Variants in FBLN1 observed in about 807,000 individuals in gnomAD.
FBLN1 encodes the protein fibulin 1.
In FBLN1, 34 loss-of-function variants were observed where a neutral mutation model predicts 89.7. The observed-to-expected ratio is 0.38, with a 90% CI of 0.29 to 0.50. The LOEUF (loss-of-function observed/expected upper bound fraction) is 0.50, where lower values mean the gene tolerates loss of function less well. Ranked by LOEUF, FBLN1 falls within the 20% of genes least tolerant of loss-of-function variation. The pLI is 0.92. For missense variants in FBLN1, 777 were observed against 988.1 expected, an observed-to-expected ratio of 0.79 and a Z score of 2.86; for synonymous variants, 393 against 391.3, an observed-to-expected ratio of 1.00 and a Z score of -0.05.
chr22:45,534,125 A>T (rs1447544602), intron 7 of FBLN1, among the ~76,000 whole-genome samples: 2 of 152,142 alleles, frequency 1.3e-5, no homozygotes, highest in Non-Finnish European at 2.9e-5. Flanking sequence ...ACATTGAAAA[A>T]GTTGACAGTA....
In FBLN1 at chr22:45,600,347, T is replaced by C. The variant is rs1383827421; in HGVS notation, c.2013T>C (p.His671=). Residue 671 remains histidine (H), a synonymous_variant, in exon 17 of 17, where the codon CAT becomes CAC. Transcript: ENST00000327858. ...TGCGGCCCATCGTGGGCCCATTTCA[T>C]GCCGTCCTGAAGCTGGAGATGAACT... ...RQVRPIVGPF[H]AVLKLEMNYV... 6.2e-7 allele frequency: 1 copy of C among 1,614,092 alleles called. No individual in the cohort carries two copies. The highest frequency in any genetic ancestry group is 8.5e-7 in the Non-Finnish European group (1 of 1,180,040).
At position 45,557,187 on chromosome 22, in the gene FBLN1, G is replaced by A. The variant is rs941069810; in HGVS notation, c.1697+6572G>A. ...CCACACCTCTTTAGCAGTAAAGTGA[G>A]TGCTTTGGTCAGAGGCAATGCTGTG... On this transcript the variant is annotated intron_variant, in intron 14 of 16. Transcript: ENST00000327858. The surrounding 1 kb of genome is among the most constrained non-coding windows in gnomAD (Gnocchi z 4.9). Among the ~76,000 whole-genome samples the A allele has an allele frequency of 2.6e-5, 4 of 152,222 alleles. No homozygotes were observed. Among genetic ancestry groups the A allele is most frequent in the Admixed American group, 1.3e-4 (2 of 15,280 alleles).
rs1028342523 is a variant in FBLN1, at chr22:45,583,842, C to A, written c.1972+6734C>A. Among the ~76,000 whole-genome samples the A allele has an allele frequency of 1.9e-4, 29 of 152,134 alleles. 1 individual carries two copies. The highest frequency in any genetic ancestry group is 3.3e-4 in the Admixed American group (5 of 15,280). On this transcript the variant is annotated intron_variant, in intron 16 of 16. Transcript: ENST00000327858. The surrounding 1 kb of genome is among the most constrained non-coding windows in gnomAD (Gnocchi z 4.5). ...AGAGAGAGACCTGTGGGACCAAAGCCTTTACTGGGGTCCAGGGTGTTATCC... is the reference window on the plus strand; with the variant it reads ...AGAGAGAGACCTGTGGGACCAAAGCATTTACTGGGGTCCAGGGTGTTATCC...
At chr22:45,543,677 C>A (rs1362107183) in intron 11 of FBLN1, 151 bp downstream of exon 11, 2 of 1,133,806 alleles carry the variant, frequency 1.8e-6, no homozygotes, top group Non-Finnish European at 2.5e-6. Flanking sequence ...TATTGTTCAT[C>A]AGAGAGGACT....
chr22:45,599,416 C>G (rs2089212379), intron 16 of FBLN1, among the ~76,000 whole-genome samples: 1 of 152,190 alleles, frequency 6.6e-6, no homozygotes, highest in African/African-American at 2.4e-5. Flanking sequence ...AGCAAGGGGT[C>G]CGGAGGCATG....
intron 2 of FBLN1, among the ~76,000 whole-genome samples, chr22:45,524,305 G>A (rs1187003758): frequency 6.6e-6 from 1 of 152,214 alleles, no homozygotes; most frequent in African/African-American, 2.4e-5. Context: ...TGGAGCTGGG[G>A]TTATTTTGGG....
chr22:45,529,078 C>T (rs2088368962), intron 4 of FBLN1, among the ~76,000 whole-genome samples: 1 of 152,180 alleles, frequency 6.6e-6, no homozygotes, highest in Non-Finnish European at 1.5e-5. Flanking sequence ...CCTTCAGCTG[C>T]CCGGGGCAGC....
At chr22:45,594,183 G>A (rs2089163577) in intron 16 of FBLN1, among the ~76,000 whole-genome samples, 1 of 152,208 alleles carries the variant, frequency 6.6e-6, no homozygotes, top group South Asian at 2.1e-4. Flanking sequence ...GGCAGCGAGT[G>A]TTCCTTGCTA....
chr22:45,558,844 A>AT (rs754285712), intron 14 of FBLN1: 1 of 152,198 alleles, frequency 6.6e-6, no homozygotes, highest in Non-Finnish European at 1.5e-5. Context: ...AGGTCCCTGA[A>AT]TTTTATTATC....
chr22:45,534,260 G>T (rs1158847423), intron 7 of FBLN1, among the ~76,000 whole-genome samples: 1 of 120,162 alleles, frequency 8.3e-6, no homozygotes, highest in Middle Eastern at 9.4e-3. Flanking sequence ...CAAGACCAGG[G>T]ATGAATTTCA....
At position 45,574,784 on chromosome 22, in the gene FBLN1, T is replaced by C; in HGVS notation, c.1840+131T>C. On this transcript the variant is annotated intron_variant, in intron 15 of 16. Transcript: ENST00000327858. The surrounding 1 kb of genome is among the most constrained non-coding windows in gnomAD (Gnocchi z 4.1). ...TTTGAAATGCAGAACTTTCTTTTTT[T>C]TTTTTTTTTTTTTTTGAGACGGAGT... is the stretch of plus-strand genomic sequence containing the variant. 2.1e-5 allele frequency: 17 copies of C among 799,874 alleles called. No individual in the cohort carries two copies. Among genetic ancestry groups the C allele is most frequent in the Non-Finnish European group, 2.9e-5 (15 of 523,454 alleles). The allele number at this position is 799,874 out of a possible 1,614,324, so 49.5% of individuals were successfully genotyped here. A position where few individuals can be genotyped will look rare whatever the true frequency, so the allele number is the denominator to read the frequency against.
chr22:45,547,715 A>G (rs1462891761), intron 12 of FBLN1, among the ~76,000 whole-genome samples: 1 of 151,956 alleles, frequency 6.6e-6, no homozygotes, highest in African/African-American at 2.4e-5. Flanking sequence ...CTGAAATTCT[A>G]ATATACTTTT....
intron 1 of FBLN1, among the ~76,000 whole-genome samples, chr22:45,505,957 T>TG (rs1310228143): frequency 5.3e-5 from 8 of 152,176 alleles, no homozygotes; most frequent in African/African-American, 1.9e-4. Flanking sequence ...TTAGTAGAGA[T>TG]GGGGTTTCAC....
In FBLN1 at chr22:45,518,650, C is replaced by T. The variant is rs574023174; in HGVS notation, c.80-32C>T. On this transcript the variant is annotated intron_variant, in intron 1 of 16. Coordinates refer to ENST00000327858, the MANE Select transcript of FBLN1 (RefSeq NM_006486.3). ...GGCCCTCCACCCGCTGAGTGGTGAG[C>T]CACCTCTCAGCTTGTTCTCTTCCCT... The T allele has an allele frequency of 8.2e-5, 124 of 1,516,932 alleles. 1 individual carries two copies. In the South Asian group the frequency reaches 1.4e-3, roughly 17 times the overall value. The allele number at this position is 1,516,932 out of a possible 1,614,324, so 94.0% of individuals were successfully genotyped here. A position where few individuals can be genotyped will look rare whatever the true frequency, so the allele number is the denominator to read the frequency against.
chr22:45,555,921 A>G (rs1602206464), intron 14 of FBLN1, among the ~76,000 whole-genome samples: 1 of 152,242 alleles, frequency 6.6e-6, no homozygotes, highest in South Asian at 2.1e-4. Context: ...GTCACTTGAT[A>G]AAAGAGAAAG....
chr22:45,596,317 C>T (rs1048503759), intron 16 of FBLN1, among the ~76,000 whole-genome samples: 3 of 152,170 alleles, frequency 2.0e-5, no homozygotes, highest in Non-Finnish European at 4.4e-5. Flanking sequence ...TGTGGCAGGT[C>T]CCTGTCCCAC....
chr22:45,519,821 G>A (rs2088225138), intron 2 of FBLN1, among the ~76,000 whole-genome samples: 1 of 152,046 alleles, frequency 6.6e-6, no homozygotes, highest in Non-Finnish European at 1.5e-5. Context: ...TTCAGGCTGG[G>A]TGACCTGAGC....
At position 45,557,086 on chromosome 22, in the gene FBLN1, A is replaced by G. The variant is rs990639226; in HGVS notation, c.1697+6471A>G. Among the ~76,000 whole-genome samples, 1 of 152,170 alleles carries G rather than the reference A, an allele frequency of 6.6e-6. No homozygotes were observed. The highest frequency in any genetic ancestry group is 2.4e-5 in the African/African-American group (1 of 41,430). Reference sequence around the variant, plus strand: ...TGTGACTTCAAAAGGCCATTCCACTATCCTATCAATCTACCTGCTTCACGA... The same window carrying G: ...TGTGACTTCAAAAGGCCATTCCACTGTCCTATCAATCTACCTGCTTCACGA... On this transcript the variant is annotated intron_variant, in intron 14 of 16. Coordinates refer to ENST00000327858, the MANE Select transcript of FBLN1 (RefSeq NM_006486.3). This position sits in a 1 kb window ranked among gnomAD's most constrained non-coding sequence, Gnocchi z 4.9.
chr22:45,559,217 A>G (rs772880226), intron 14 of FBLN1, among the ~76,000 whole-genome samples: 9 of 152,240 alleles, frequency 5.9e-5, no homozygotes, highest in Non-Finnish European at 7.3e-5. Context: ...TGCTCAAGCA[A>G]TGAAACCACA....
Sources: allele counts gnomAD v4.1 joint callset (sites outside exome capture counted in the v4.1 genomes callset), GRCh38; gene constraint gnomAD v4.1.1; non-coding constraint Gnocchi (gnomAD v3.1); transcripts MANE v1.5; gene names NCBI Gene and HGNC (gene_info 2026-07-23, HGNC 2026-07-21).